The following AGAP3 variants were observed in gnomAD, a reference collection of about 807,000 sequenced individuals.
AGAP3 encodes ArfGAP with GTPase domain, ankyrin repeat and PH domain 3.
AGAP3 carries 24 observed loss-of-function variants against 96.9 expected under a neutral mutation model. The observed-to-expected ratio is 0.25, with a 90% CI of 0.18 to 0.35. AGAP3 has a LOEUF of 0.35. Ranked by LOEUF, AGAP3 falls within the 10% of genes least tolerant of loss-of-function variation. The probability of loss-of-function intolerance (pLI) is 1.00; values close to 1 mark genes in which losing one functional copy is unlikely to be tolerated. For synonymous variants in AGAP3, 563 were observed against 536.1 expected (o/e 1.05, Z -0.69); for missense variants, 876 against 1,254.2 (o/e 0.70, Z 4.55).
rs894424126 is a variant in AGAP3 at position 151,114,928 on chromosome 7, A to G, written c.332-1865A>G. On this transcript the variant is annotated intron_variant, in intron 1 of 17. Transcript: ENST00000397238. The surrounding 1 kb of genome is among the most constrained non-coding windows in gnomAD (Gnocchi z 4.4). ...GCCGCCCTCTGCGCCGCCAGTGAGC[A>G]GCCGGCGCGGCCGCGGAGCGTGTGC... 2.0e-6 allele frequency: 2 copies of G among 986,900 alleles called. No individual in the cohort carries two copies. Among genetic ancestry groups the G allele is most frequent in the Non-Finnish European group, 2.4e-6 (2 of 833,182 alleles). The allele number at this position is 986,900 out of a possible 1,614,324, so 61.1% of individuals were successfully genotyped here.
chr7:151,086,764 G>A lies in AGAP3; in HGVS notation c.23G>A (p.Gly8Glu). The change falls in exon 1 of 18, where the codon GGG (glycine) becomes GAG (glutamate). Residue 8 changes from glycine (G) to glutamate (E), a missense_variant. Physicochemically the swap from Gly to Glu is moderately conservative, Grantham distance 98 (BLOSUM62 -2). Around this residue, in one of 8 missense-constraint regions of AGAP3, gnomAD observed 62 missense variants for 82.8 expected, o/e 0.75. Transcript: ENST00000397238. MNFQAGG[G>E]QSPQQQQSLA... ...GCCATGAACTTCCAGGCGGGCGGGG[G>A]GCAGAGCCCGCAGCAGCAGCAGAGC... The A allele has an allele frequency of 1.0e-6, 1 of 967,724 alleles. No individual in the cohort carries two copies. Among genetic ancestry groups the A allele is most frequent in the Non-Finnish European group, 1.2e-6 (1 of 819,772 alleles). The allele number at this position is 967,724 out of a possible 1,614,324, so 59.9% of individuals were successfully genotyped here. A position where few individuals can be genotyped will look rare whatever the true frequency, so the allele number is the denominator to read the frequency against.
rs1227194450 is a variant in AGAP3, at chr7:151,128,651, C to A, written c.1293C>A (p.Asp431Glu). The A allele has an allele frequency of 1.2e-6, 2 of 1,613,666 alleles. No homozygotes were observed. Among genetic ancestry groups the A allele is most frequent in the African/African-American group, 1.3e-5 (1 of 74,954 alleles). Residue 431 changes from aspartate (D) to glutamate (E), a missense_variant, in exon 10 of 18, where the codon GAC becomes GAA. By Grantham distance (45) the Asp-to-Glu change is conservative (BLOSUM62 2). Transcript: ENST00000397238. The part of the protein sequence containing the change: ...EWKKKYVTLC[D>E]NGLLTYHPSL... ...AGAAGAAGTATGTGACGCTCTGTGA[C>A]AACGGGCTGCTCACCTATCACCCCA...
intron 9 of AGAP3, among the ~76,000 whole-genome samples, chr7:151,124,755 G>A (rs915873334): frequency 9.2e-5 from 14 of 152,088 alleles, no homozygotes; most frequent in African/African-American, 1.9e-4. Flanking sequence ...GGGGCCAGTC[G>A]GTGTGACCAG....
At chr7:151,138,990 C>T (rs1192825097) in intron 12 of AGAP3, among the ~76,000 whole-genome samples, 2 of 152,222 alleles carry the variant, frequency 1.3e-5, no homozygotes, top group Non-Finnish European at 1.5e-5. Flanking sequence ...TCTCTCTCTG[C>T]TTTTCTTCTT....
Position 151,138,223 on chromosome 7 carries a change from G to T in AGAP3, c.1576G>T (p.Glu526Ter). The T allele has an allele frequency of 1.2e-6, 2 of 1,612,350 alleles. No homozygotes were observed. The highest frequency in any genetic ancestry group is 4.5e-5 in the East Asian group (2 of 44,860). Residue 526 changes from glutamate (E) to a stop codon, truncating the protein, a stop_gained, in exon 12 of 18, where the codon GAG becomes TAG. Coordinates refer to ENST00000397238, the MANE Select transcript of AGAP3 (RefSeq NM_031946.7). LOFTEE classifies it high-confidence loss of function. Reference protein sequence around the residue: ...SSSAWAGPRPEGLHQRSCSVS... With the variant: ...SSSAWAGPRP ...CTCGGCCTGGGCTGGCCCGCGCCCT[G>T]AGGGGCTGCACCAGCGCTCCTGCTC...
chr7:151,091,443 T>C (rs2150404958), intron 1 of AGAP3, among the ~76,000 whole-genome samples: 1 of 152,342 alleles, frequency 6.6e-6, no homozygotes, highest in East Asian at 1.9e-4. Context: ...ATTTAGCTCC[T>C]ACTGTGCGGC....
Position 151,143,645 on chromosome 7 carries a change from G to C in AGAP3, c.2529+49G>C. 4 of 1,601,932 alleles carry C rather than the reference G, an allele frequency of 2.5e-6. No homozygotes were observed. The highest frequency in any genetic ancestry group is 3.4e-6 in the Non-Finnish European group (4 of 1,172,332). On this transcript the variant is annotated intron_variant, in intron 17 of 17. Coordinates refer to ENST00000397238, the MANE Select transcript of AGAP3 (RefSeq NM_031946.7). The surrounding 1 kb of genome is among the most constrained non-coding windows in gnomAD (Gnocchi z 5.9). ...CCCTGACCTCGCTCTTCTTAGCCTTGTTCTTTGAAAGCAACCTCTTCTTTC... is the reference window on the plus strand; with the variant it reads ...CCCTGACCTCGCTCTTCTTAGCCTTCTTCTTTGAAAGCAACCTCTTCTTTC...
Position 151,118,740 on chromosome 7 carries a change from C to G in AGAP3, c.969+108C>G. 1 of 1,412,678 alleles carries G rather than the reference C, an allele frequency of 7.1e-7. No homozygotes were observed. Among genetic ancestry groups the G allele is most frequent in the Non-Finnish European group, 9.7e-7 (1 of 1,027,260 alleles). The allele number at this position is 1,412,678 out of a possible 1,614,324, so 87.5% of individuals were successfully genotyped here. ...CCTGCTCACACCTGTCCACCTTCCT[C>G]TGGCCTCCCAGCCTTGCATGTTGCT... On this transcript the variant is annotated intron_variant, in intron 7 of 17. Coordinates refer to ENST00000397238, the MANE Select transcript of AGAP3 (RefSeq NM_031946.7). The surrounding 1 kb of genome is among the most constrained non-coding windows in gnomAD (Gnocchi z 6.1).
At chr7:151,132,927 C>T (rs1225339721) in intron 10 of AGAP3, among the ~76,000 whole-genome samples, 1 of 152,180 alleles carries the variant, frequency 6.6e-6, no homozygotes, top group African/African-American at 2.4e-5. Context: ...AGGACAGTGT[C>T]AGTTTTCCCT....
intron 7 of AGAP3, 67 bp from the exon 8 acceptor site, chr7:151,119,920 G>A (rs1799789353): frequency 1.0e-5 from 16 of 1,549,200 alleles, no homozygotes; most frequent in Admixed American, 3.5e-5. Flanking sequence ...AGGGATTCCC[G>A]GCACCCGCCT....
At chr7:151,102,788 C>A (rs1798887193) in intron 1 of AGAP3, among the ~76,000 whole-genome samples, 1 of 151,920 alleles carries the variant, frequency 6.6e-6, no homozygotes, top group Non-Finnish European at 1.5e-5. Flanking sequence ...GCTAATTTTT[C>A]TATTTTTAGT....
intron 1 of AGAP3, among the ~76,000 whole-genome samples, chr7:151,103,939 A>C (rs902999199): frequency 6.6e-6 from 1 of 152,114 alleles, no homozygotes; most frequent in Non-Finnish European, 1.5e-5. Flanking sequence ...TTTGAACTGA[A>C]CTGTGATCTG....
chr7:151,112,396 C>CGTTT (rs372118031), intron 1 of AGAP3, among the ~76,000 whole-genome samples: 1 of 139,848 alleles, frequency 7.2e-6, no homozygotes, highest in Non-Finnish European at 1.6e-5. Context: ...TTCCCCGAGA[C>CGTTT]GTGTGTGTGT....
At chr7:151,121,791 G>A (rs892494544) in intron 8 of AGAP3, among the ~76,000 whole-genome samples, 2 of 152,130 alleles carry the variant, frequency 1.3e-5, no homozygotes, top group African/African-American at 4.8e-5. Flanking sequence ...TCCCTGAGAC[G>A]GCCTCAAGAC....
chr7:151,092,367 G>A (rs1350202803), intron 1 of AGAP3, among the ~76,000 whole-genome samples: 1 of 152,226 alleles, frequency 6.6e-6, no homozygotes, highest in Admixed American at 6.5e-5. Flanking sequence ...CACCTGTTGT[G>A]TTAGTTTCTT....
chr7:151,125,149 C>T (rs1053764018), intron 9 of AGAP3, among the ~76,000 whole-genome samples: 1 of 152,218 alleles, frequency 6.6e-6, no homozygotes, highest in African/African-American at 2.4e-5. Flanking sequence ...ACGCCCTCTG[C>T]TTTGGGCGTA....
At position 151,117,201 on chromosome 7, in the gene AGAP3, G is replaced by A; in HGVS notation, c.478+19G>A. The A allele has an allele frequency of 6.2e-7, 1 of 1,609,680 alleles. No individual in the cohort carries two copies. ...CCTGAAGGTGAGCGTCACAGGCCCAGCCTGGGCCCTGAGGCCGGCCACTCC... is the reference window on the plus strand; with the variant it reads ...CCTGAAGGTGAGCGTCACAGGCCCAACCTGGGCCCTGAGGCCGGCCACTCC... On this transcript the variant is annotated intron_variant, in intron 3 of 17. Coordinates refer to ENST00000397238, the MANE Select transcript of AGAP3 (RefSeq NM_031946.7).
chr7:151,107,146 C>A (rs1201205793), intron 1 of AGAP3, among the ~76,000 whole-genome samples: 1 of 151,820 alleles, frequency 6.6e-6, no homozygotes, highest in South Asian at 2.1e-4. Context: ...CCCGTCTCTA[C>A]TAAAAATACA....
At chr7:151,090,921 G>A (rs1467538842) in intron 1 of AGAP3, among the ~76,000 whole-genome samples, 2 of 152,086 alleles carry the variant, frequency 1.3e-5, no homozygotes, top group Non-Finnish European at 2.9e-5. Flanking sequence ...TCCAGCCTGG[G>A]CAACAGAGCA....
Sources: gnomAD v4.1 joint callset for allele counts (sites outside exome capture counted in the v4.1 genomes callset) on GRCh38, gnomAD v4.1.1 for gene constraint, gnomAD v4.1.1 regional missense constraint, Gnocchi (gnomAD v3.1) non-coding constraint, MANE v1.5 for transcripts, NCBI Gene and HGNC (gene_info 2026-07-23, HGNC 2026-07-21) for gene names.